JUP: variants seen among roughly 807,000 people sequenced by gnomAD.
JUP encodes the protein catenin (cadherin-associated protein), gamma 80kDa.
In JUP, 28 loss-of-function variants were observed where a neutral mutation model predicts 71.1. The observed-to-expected ratio is 0.39, with a 90% confidence interval of 0.29 to 0.54. JUP has a LOEUF of 0.54. Among genes scored for constraint, JUP ranks in the 20% least tolerant of loss-of-function variants. The probability of loss-of-function intolerance (pLI) is 0.62; values close to 1 mark genes in which losing one functional copy is unlikely to be tolerated. For synonymous variants in JUP, 401 were observed against 438.9 expected (o/e 0.91, Z 1.08); for missense variants, 869 against 1,030.1 (o/e 0.84, Z 2.14).
At chr17:41,777,437 A>G in intron 1 of JUP, among the ~76,000 whole-genome samples, 1 of 152,330 alleles carries the variant, frequency 6.6e-6, no homozygotes, top group Middle Eastern at 3.4e-3. Flanking sequence ...AGAGAGATGG[A>G]CATGATGGCT....
chr17:41,759,376 C>A (rs1914432599), intron 8 of JUP, among the ~76,000 whole-genome samples: 1 of 152,112 alleles, frequency 6.6e-6, no homozygotes, highest in Non-Finnish European at 1.5e-5. Context: ...CGTCCGGCTG[C>A]TCATGGCTAA....
chr17:41,756,816 C>T (rs1555598253), intron 12 of JUP, among the ~76,000 whole-genome samples: 1 of 151,700 alleles, frequency 6.6e-6, no homozygotes, highest in Non-Finnish European at 1.5e-5. Context: ...AGGAGAATTG[C>T]TTGAAACCGG....
chr17:41,778,553 C>A (rs1266989860), intron 1 of JUP, among the ~76,000 whole-genome samples: 7 of 108,912 alleles, frequency 6.4e-5, no homozygotes, highest in African/African-American at 2.1e-4. Context: ...CAGTGAGACC[C>A]CATCTCAAAA....
intron 1 of JUP, among the ~76,000 whole-genome samples, chr17:41,785,524 G>A (rs1019108938): frequency 6.6e-6 from 1 of 152,208 alleles, no homozygotes; most frequent in South Asian, 2.1e-4. Flanking sequence ...AGGGAAGACA[G>A]GGTCGGAGCC....
intron 8 of JUP, among the ~76,000 whole-genome samples, chr17:41,760,682 T>A (rs1017584911): frequency 4.6e-5 from 7 of 152,202 alleles, no homozygotes; most frequent in Non-Finnish European, 1.0e-4. Context: ...TGCCTCAGCC[T>A]TCCGAGTAGC....
Position 41,758,835 on chromosome 17 carries a change from G to A in JUP, c.1533C>T (p.Cys511=). 1 of 1,609,962 alleles carries A rather than the reference G, an allele frequency of 6.2e-7. No homozygotes were observed. The highest frequency in any genetic ancestry group is 2.2e-5 in the East Asian group (1 of 44,696). The change falls in exon 9 of 14, where the codon TGC becomes TGT. Residue 511 remains cysteine, a synonymous_variant. Coordinates refer to ENST00000393931, the MANE Select transcript of JUP (RefSeq NM_002230.4). ...CCTGCAGCGGGGCATGGTTGGCTGG[G>A]CACAGGGCCAGATTCCTGATCAAGC... ...TIGLIRNLAL[C]PANHAPLQEA...
chr17:41,764,660 G>T, intron 7 of JUP, 53 bp downstream of exon 7: 1 of 1,439,440 alleles, frequency 6.9e-7, no homozygotes. Context: ...CCAGACAGGA[G>T]GCTGGATGGG....
At chr17:41,765,358 GTTTTT>G (rs569234400) in intron 5 of JUP, among the ~76,000 whole-genome samples, 248 of 140,462 alleles carry the variant, frequency 1.8e-3, no homozygotes, top group South Asian at 3.2e-3. Flanking sequence ...AAGTTTTTTT[GTTTTT>G]TTTTTTGAGA....
chr17:41,786,037 G>C (rs1029280919), intron 1 of JUP: 1 of 152,282 alleles, frequency 6.6e-6, no homozygotes, highest in Non-Finnish European at 1.5e-5. Flanking sequence ...GGTGGGGCCA[G>C]AGTCGCTGGG....
chr17:41,760,095 G>A (rs868953304), intron 8 of JUP, among the ~76,000 whole-genome samples: 9 of 151,070 alleles, frequency 6.0e-5, no homozygotes, highest in Non-Finnish European at 7.4e-5. Flanking sequence ...CCTGGGAGGC[G>A]GAGGTTGCAG....
intron 10 of JUP, 57 bp from the exon 11 acceptor site, chr17:41,757,841 G>T: frequency 6.8e-7 from 1 of 1,463,328 alleles, no homozygotes; most frequent in South Asian, 1.3e-5. Context: ...AGGCAGGCCG[G>T]ACAACACACC....
intron 1 of JUP, among the ~76,000 whole-genome samples, chr17:41,780,903 G>A (rs1221351934): frequency 7.9e-5 from 12 of 151,646 alleles, no homozygotes; most frequent in African/African-American, 2.2e-4. Flanking sequence ...AAATTAGGCC[G>A]GGCACAGTGG....
chr17:41,780,817 A>G (rs1555610088), intron 1 of JUP, among the ~76,000 whole-genome samples: 1 of 151,416 alleles, frequency 6.6e-6, no homozygotes, highest in African/African-American at 2.4e-5. Flanking sequence ...GGCCAAGGTG[A>G]GTGGATCACC....
intron 12 of JUP, 66 bp downstream of exon 12, chr17:41,757,349 A>T: frequency 6.4e-7 from 1 of 1,568,990 alleles, no homozygotes; most frequent in Non-Finnish European, 8.8e-7. Flanking sequence ...GACCCCCAAA[A>T]GTGTTGCCCA....
intron 7 of JUP, among the ~76,000 whole-genome samples, chr17:41,764,070 C>G (rs2143578737): frequency 6.6e-6 from 1 of 152,336 alleles, no homozygotes; most frequent in Admixed American, 6.5e-5. Context: ...AGAGGGCCAG[C>G]ACAGGGTGAG....
intron 5 of JUP, among the ~76,000 whole-genome samples, chr17:41,766,976 A>G (rs1295003995): frequency 6.6e-6 from 1 of 151,506 alleles, no homozygotes; most frequent in African/African-American, 2.4e-5. Context: ...GAGCCCAGGA[A>G]GTCAAGGCTG....
chr17:41,783,181 G>T (rs1007103178), intron 1 of JUP, among the ~76,000 whole-genome samples: 2 of 151,910 alleles, frequency 1.3e-5, no homozygotes, highest in Admixed American at 1.3e-4. Context: ...GGACCCAAAC[G>T]TCAGTCTTGG....
rs184440866 is a variant in JUP, at chr17:41,778,974, T to C, written c.-8-7112A>G. Among the ~76,000 whole-genome samples, 29 of 151,826 alleles carry C rather than the reference T, an allele frequency of 1.9e-4. No individual in the cohort carries two copies. In the East Asian group the frequency reaches 2.0e-3, roughly 10 times the overall value. On this transcript the variant is annotated intron_variant, in intron 1 of 13. Transcript: ENST00000393931. ...AGACTTGGCTGGGCGTGGTGGCTCA[T>C]GCCTGTAATCCCAGGACTTTGGGAG... is the stretch of plus-strand genomic sequence containing the variant.
chr17:41,764,617 C>A, intron 7 of JUP, 96 bp downstream of exon 7: 1 of 925,138 alleles, frequency 1.1e-6, no homozygotes, highest in East Asian at 2.4e-5. Context: ...ATTTAGAGCC[C>A]CCAGTCCTCC....
Sources: gnomAD v4.1 joint callset for allele counts (sites outside exome capture counted in the v4.1 genomes callset) on GRCh38, gnomAD v4.1.1 for gene constraint, MANE v1.5 for transcripts, NCBI Gene and HGNC (gene_info 2026-07-23, HGNC 2026-07-21) for gene names.